The following FAM184A variants were observed in gnomAD, a reference collection of about 807,000 sequenced individuals.
FAM184A encodes the protein protein FAM184A.
FAM184A carries 99 observed loss-of-function variants against 143.8 expected under a neutral mutation model. The observed-to-expected ratio is 0.69, with a 90% confidence interval of 0.58 to 0.81. The LOEUF is 0.81. FAM184A is among the 40% of genes least tolerant of loss of function. FAM184A has a pLI of 0.00. For missense variants in FAM184A, 1,217 were observed against 1,310.5 expected (o/e 0.93, Z 1.10); for synonymous variants, 427 against 446.4 (o/e 0.96, Z 0.55).
rs554923290 is a variant in FAM184A at position 119,017,759 on chromosome 6, A to C, written c.1333-815T>G. On this transcript the variant is annotated intron_variant, in intron 4 of 17. Coordinates refer to ENST00000338891, the MANE Select transcript of FAM184A (RefSeq NM_024581.6). Reference sequence around the variant, plus strand: ...ATCTCATGTTGAAATGTGACCTCCAATGTTGGAGATGTGACTAGTGGGAGG... The same window carrying C: ...ATCTCATGTTGAAATGTGACCTCCACTGTTGGAGATGTGACTAGTGGGAGG... Among the ~76,000 whole-genome samples, 3 of 152,282 alleles carry C rather than the reference A, an allele frequency of 2.0e-5. No individual in the cohort carries two copies. In the South Asian group the frequency reaches 6.2e-4, roughly 32 times the overall value.
In FAM184A at chr6:119,024,587, A is replaced by T; in HGVS notation, c.386T>A (p.Phe129Tyr). The change falls in exon 2 of 18, where the codon TTT becomes TAT. Residue 129 changes from phenylalanine (F) to tyrosine (Y), a missense_variant. Phe to Tyr is a conservative substitution (Grantham distance 22). Coordinates refer to ENST00000338891, the MANE Select transcript of FAM184A (RefSeq NM_024581.6). Reference sequence around the variant, plus strand: ...CTCAACTCTGTGCTTATAAGCTTCAAATTCTGTCAAAGCCTGCTGCTTCAT... The same window carrying T: ...CTCAACTCTGTGCTTATAAGCTTCATATTCTGTCAAAGCCTGCTGCTTCAT... ...IKMKQQALTE[F>Y]EAYKHRVEDM... 6.2e-7 allele frequency: 1 copy of T among 1,614,148 alleles called. No individual in the cohort carries two copies. Among genetic ancestry groups the T allele is most frequent in the Non-Finnish European group, 8.5e-7 (1 of 1,180,034 alleles).
intron 1 of FAM184A, among the ~76,000 whole-genome samples, chr6:119,135,477 A>G (rs945941482): frequency 6.6e-6 from 1 of 152,228 alleles, no homozygotes; most frequent in Non-Finnish European, 1.5e-5. Context: ...TAAAAATGAT[A>G]TGCTTCACAA....
At chr6:118,988,069 G>A (rs370639537) in intron 9 of FAM184A, among the ~76,000 whole-genome samples, 14 of 152,136 alleles carry the variant, frequency 9.2e-5, no homozygotes, top group African/African-American at 3.1e-4. Context: ...TGTAAGTGCC[G>A]CTCACTTACA....
At chr6:119,105,589 C>T (rs1256598640) in intron 1 of FAM184A, among the ~76,000 whole-genome samples, 1 of 152,122 alleles carries the variant, frequency 6.6e-6, no homozygotes. Context: ...TACTCAGTCT[C>T]ACGTGGTTCT....
In FAM184A at chr6:118,975,955, T is replaced by G. The variant is rs749833051; in HGVS notation, c.2545A>C (p.Met849Leu). The part of the protein sequence containing the change: ...NHHQELAAAK[M>L]ELERSIDISR... ...ATGTCTATGCTTCTCTCTAATTCCA[T>G]TTTAGCAGCTGCCAATTCTTGATGA... The change falls in exon 12 of 18, where the codon ATG becomes CTG. Residue 849 changes from methionine to leucine, a missense_variant. Physicochemically the swap from Met to Leu is conservative, Grantham distance 15. Coordinates refer to ENST00000338891, the MANE Select transcript of FAM184A (RefSeq NM_024581.6). 1 of 1,613,374 alleles carries G rather than the reference T, an allele frequency of 6.2e-7. No homozygotes were observed. Among genetic ancestry groups the G allele is most frequent in the South Asian group, 1.1e-5 (1 of 91,042 alleles).
chr6:118,976,699 T>C (rs1201229040), intron 11 of FAM184A, among the ~76,000 whole-genome samples: 1 of 151,478 alleles, frequency 6.6e-6, no homozygotes, highest in Non-Finnish European at 1.5e-5. Context: ...TAGAGTTTAA[T>C]GGTACCATAA....
At chr6:119,020,213 T>A in intron 3 of FAM184A, 54 bp from the exon 4 acceptor site, 1 of 1,362,918 alleles carries the variant, frequency 7.3e-7, no homozygotes, top group Non-Finnish European at 9.7e-7. Context: ...TACTATGAGA[T>A]AAACAGTTTA....
intron 1 of FAM184A, among the ~76,000 whole-genome samples, chr6:119,124,025 T>A (rs1408127044): frequency 6.6e-6 from 1 of 152,230 alleles, no homozygotes; most frequent in African/African-American, 2.4e-5. Context: ...CTATTGCTAT[T>A]TATGGAACTC....
chr6:119,109,252 A>G (rs1440656089), intron 1 of FAM184A, among the ~76,000 whole-genome samples: 1 of 152,232 alleles, frequency 6.6e-6, no homozygotes, highest in Non-Finnish European at 1.5e-5. Flanking sequence ...ACTAAATTAT[A>G]AGTGTCATGA....
intron 7 of FAM184A, among the ~76,000 whole-genome samples, chr6:119,004,883 CG>C (rs1562469399): frequency 6.6e-6 from 1 of 151,946 alleles, no homozygotes; most frequent in African/African-American, 2.4e-5. Context: ...CCAGGACAGC[CG>C]GGGGAAAGGC....
chr6:119,005,437 A>G (rs1023898445), intron 7 of FAM184A: 7 of 152,216 alleles, frequency 4.6e-5, no homozygotes, highest in South Asian at 2.1e-4. Flanking sequence ...CCTTGTTTAT[A>G]TGCTTTTGAA....
Position 119,120,219 on chromosome 6 carries a change from C to G in FAM184A, c.-202+28859G>C, listed in dbSNP as rs553900380. On this transcript the variant is annotated intron_variant, in intron 1 of 16. Transcript: ENST00000352896. Reference sequence around the variant, plus strand: ...CCTGGCAACCACTAATCTACTTTCTCTACGGATTTGCCTGTGGTGGACATT... The same window carrying G: ...CCTGGCAACCACTAATCTACTTTCTGTACGGATTTGCCTGTGGTGGACATT... Among the ~76,000 whole-genome samples, 16 of 152,352 alleles carry G rather than the reference C, an allele frequency of 1.1e-4. No homozygotes were observed. In the South Asian group the frequency reaches 3.3e-3, roughly 32 times the overall value.
chr6:119,031,390 GCTCT>G (rs554298246), intron 1 of FAM184A: 8 of 152,254 alleles, frequency 5.3e-5, no homozygotes, highest in African/African-American at 1.9e-4. Flanking sequence ...GACTGCCTCT[GCTCT>G]CTCTCTGTAG....
chr6:119,040,211 G>A (rs902626994), intron 1 of FAM184A, among the ~76,000 whole-genome samples: 6 of 152,110 alleles, frequency 3.9e-5, no homozygotes, highest in Non-Finnish European at 7.4e-5. Flanking sequence ...TCTTTCTTCT[G>A]AGGAGGCAAA....
At chr6:118,975,476 C>A (rs1783818252) in intron 12 of FAM184A, among the ~76,000 whole-genome samples, 3 of 152,170 alleles carry the variant, frequency 2.0e-5, no homozygotes. Flanking sequence ...ATGAGGAAAC[C>A]AATACCCAAA....
At chr6:119,067,102 G>A (rs1787478582) in intron 1 of FAM184A, among the ~76,000 whole-genome samples, 1 of 152,154 alleles carries the variant, frequency 6.6e-6, no homozygotes, top group Non-Finnish European at 1.5e-5. Context: ...CTGATGTAGG[G>A]CAATGTGATA....
intron 1 of FAM184A, among the ~76,000 whole-genome samples, chr6:119,050,893 C>G (rs1311321081): frequency 6.6e-6 from 1 of 151,760 alleles, no homozygotes. Context: ...CAAACTAACT[C>G]AGGAAAAGAA....
chr6:119,049,409 T>C (rs940227783), intron 1 of FAM184A, among the ~76,000 whole-genome samples: 11 of 152,136 alleles, frequency 7.2e-5, no homozygotes, highest in Admixed American at 6.5e-5. Flanking sequence ...GATGGTGCCA[T>C]TGCACCCCAG....
At chr6:119,122,125 T>G (rs676491) in intron 1 of FAM184A, among the ~76,000 whole-genome samples, 138,862 of 152,116 alleles carry the variant, frequency 0.91, 63,444 homozygotes, top group East Asian at 1. Flanking sequence ...TCCATCTCTT[T>G]GGAGTGCTAC....
Sources: gnomAD v4.1 joint callset for allele counts (sites outside exome capture counted in the v4.1 genomes callset) on GRCh38, gnomAD v4.1.1 for gene constraint, MANE v1.5 for transcripts, NCBI Gene and HGNC (gene_info 2026-07-23, HGNC 2026-07-21) for gene names.